The following TENM2 variants were observed in gnomAD, a reference collection of about 807,000 sequenced individuals.
TENM2 encodes teneurin transmembrane protein 2.
A neutral mutation model predicts 245.2 loss-of-function variants in TENM2; 52 were observed. That is an observed-to-expected ratio of 0.21 (90% CI 0.17 to 0.27). The LOEUF is 0.27. Among genes scored for constraint, TENM2 ranks in the 10% least tolerant of loss-of-function variants. The probability of loss-of-function intolerance (pLI) is 1.00; values close to 1 mark genes in which losing one functional copy is unlikely to be tolerated. For missense variants in TENM2, 3,046 were observed against 3,666.8 expected (o/e 0.83, Z 4.37); for synonymous variants, 1,363 against 1,438.9 (o/e 0.95, Z 1.19).
intron 2 of TENM2, among the ~76,000 whole-genome samples, chr5:167,698,679 GTT>G (rs1225922111): frequency 0.017 from 1,683 of 97,510 alleles, 33 homozygotes; most frequent in East Asian, 0.12. Flanking sequence ...TTTGTTTTTT[GTT>G]TTTTTTTTTT....
intron 2 of TENM2, among the ~76,000 whole-genome samples, chr5:167,816,329 T>C (rs939409045): frequency 6.6e-6 from 1 of 152,146 alleles, no homozygotes; most frequent in African/African-American, 2.4e-5. Flanking sequence ...TTAGCTTGTA[T>C]AGACAAGAAA....
intron 2 of TENM2, among the ~76,000 whole-genome samples, chr5:167,428,884 C>T (rs2127438125): frequency 6.6e-6 from 1 of 152,244 alleles, no homozygotes; most frequent in South Asian, 2.1e-4. Flanking sequence ...ATGTTTTGTT[C>T]CTTTGGGCTT....
chr5:168,065,489 A>T (rs998673059), intron 7 of TENM2, among the ~76,000 whole-genome samples: 1 of 152,230 alleles, frequency 6.6e-6, no homozygotes, highest in African/African-American at 2.4e-5. Context: ...AATAACAACA[A>T]AGGTAAGATG....
chr5:168,258,055 T>C (rs570220340), intron 27 of TENM2, among the ~76,000 whole-genome samples: 6 of 152,214 alleles, frequency 3.9e-5, no homozygotes, highest in East Asian at 3.9e-4. Flanking sequence ...AGGAGACACA[T>C]ACTCAGGACC....
chr5:168,117,217 G>T (rs563029633), intron 9 of TENM2, among the ~76,000 whole-genome samples: 67 of 152,310 alleles, frequency 4.4e-4, no homozygotes, highest in African/African-American at 8.4e-4. Flanking sequence ...ATGGAAGAGG[G>T]TACAGCTGAT....
At position 167,319,297 on chromosome 5, in the gene TENM2, A is replaced by G. The variant is rs1722982865; in HGVS notation, c.226+34234A>G. The stretch of plus-strand genomic sequence containing the variant: ...GCAAGTGAATACATTTCTCAGTTTC[A>G]GGGTTTTCGTTTTTGTTTTTTTCTT... On this transcript the variant is annotated intron_variant, in intron 1 of 28. Transcript: ENST00000518659. Among the ~76,000 whole-genome samples, 3 of 152,236 alleles carry G rather than the reference A, an allele frequency of 2.0e-5. No individual in the cohort carries two copies. The South Asian group carries it at 6.2e-4, about 32-fold the overall frequency.
chr5:167,474,553 G>T (rs923743478), intron 2 of TENM2, among the ~76,000 whole-genome samples: 1 of 145,490 alleles, frequency 6.9e-6, no homozygotes, highest in Non-Finnish European at 1.5e-5. Context: ...TCACTCTGTC[G>T]CCCAGGCTGG....
chr5:167,630,874 C>T (rs1561618615), intron 2 of TENM2, among the ~76,000 whole-genome samples: 1 of 152,160 alleles, frequency 6.6e-6, no homozygotes, highest in African/African-American at 2.4e-5. Flanking sequence ...TCACCTGAGG[C>T]AAAATTATAC....
chr5:166,982,111 T>C, the TENM2 span, among the ~76,000 whole-genome samples: 1 of 152,200 alleles, frequency 6.6e-6, no homozygotes, highest in Non-Finnish European at 1.5e-5. Context: ...GATAGTTTCA[T>C]TTCAACTGGT....
intron 12 of TENM2, among the ~76,000 whole-genome samples, chr5:168,150,472 G>A (rs1485486922): frequency 6.6e-6 from 1 of 152,202 alleles, no homozygotes. Flanking sequence ...GCTTCCCCAA[G>A]TAGGATCCTC....
intron 10 of TENM2, among the ~76,000 whole-genome samples, 187 bp downstream of exon 12, chr5:168,118,673 A>G (rs1436433956): frequency 6.6e-6 from 1 of 152,194 alleles, no homozygotes; most frequent in Non-Finnish European, 1.5e-5. Flanking sequence ...AAGCCTATGG[A>G]GATGGTTCTG....
intron 2 of TENM2, among the ~76,000 whole-genome samples, chr5:167,704,514 A>T (rs279406): frequency 0.33 from 50,354 of 151,796 alleles, 8,590 homozygotes; most frequent in East Asian, 0.5. Flanking sequence ...ACCCTCCTGC[A>T]TCATCATAAT....
chr5:167,916,152 G>A (rs1424650208), intron 3 of TENM2, among the ~76,000 whole-genome samples: 2 of 152,226 alleles, frequency 1.3e-5, no homozygotes, highest in African/African-American at 2.4e-5. Context: ...GTCCATTAGC[G>A]CAGGGTCTGA....
chr5:167,269,942 C>A, the TENM2 span, among the ~76,000 whole-genome samples: 1 of 152,090 alleles, frequency 6.6e-6, no homozygotes, highest in Non-Finnish European at 1.5e-5. Context: ...TAGTGAGATA[C>A]CTGAACAAGT....
intron 5 of TENM2, among the ~76,000 whole-genome samples, chr5:168,027,729 A>G (rs1227233840): frequency 2.0e-5 from 3 of 152,180 alleles, no homozygotes; most frequent in African/African-American, 7.2e-5. Flanking sequence ...GCGTGGCCCT[A>G]TCTTGTGTTA....
At chr5:167,381,530 A>C (rs1761095567) in intron 2 of TENM2, among the ~76,000 whole-genome samples, 1 of 152,202 alleles carries the variant, frequency 6.6e-6, no homozygotes, top group Non-Finnish European at 1.5e-5. Flanking sequence ...ATTTTATATT[A>C]GAAATTTTTA....
intron 3 of TENM2, among the ~76,000 whole-genome samples, chr5:167,898,209 A>G (rs1392124973): frequency 6.6e-6 from 1 of 152,146 alleles, no homozygotes; most frequent in Non-Finnish European, 1.5e-5. Context: ...GTCCTCACAG[A>G]CAAACAACAT....
chr5:167,623,773 C>A (rs1233869325), intron 2 of TENM2, among the ~76,000 whole-genome samples: 1 of 152,092 alleles, frequency 6.6e-6, no homozygotes, highest in Non-Finnish European at 1.5e-5. Context: ...GTTTTGTTTC[C>A]TTTTTAAATT....
At chr5:167,845,660 C>T (rs1020327715) in intron 2 of TENM2, among the ~76,000 whole-genome samples, 1 of 152,132 alleles carries the variant, frequency 6.6e-6, no homozygotes, top group East Asian at 1.9e-4. Context: ...TAACTACAGA[C>T]AGACAAATAG....
Sources: gnomAD v4.1 joint callset for allele counts (sites outside exome capture counted in the v4.1 genomes callset) on GRCh38, gnomAD v4.1.1 for gene constraint, MANE v1.5 for transcripts, NCBI Gene and HGNC (gene_info 2026-07-23, HGNC 2026-07-21) for gene names.